Variants in MAF observed in about 807,000 individuals in gnomAD.
MAF encodes transcription factor Maf.
Under a neutral mutation model 22.0 loss-of-function variants are expected in MAF, and 10 were observed. That is an observed-to-expected ratio of 0.45 (90% CI 0.28 to 0.77). MAF has a LOEUF of 0.77. Among genes scored for constraint, MAF ranks in the 30% least tolerant of loss-of-function variants. The pLI is 0.12. For synonymous variants in MAF, 337 were observed against 255.8 expected, an observed-to-expected ratio of 1.32 and a Z score of -3.03; for missense variants, 544 against 548.4, an observed-to-expected ratio of 0.99 and a Z score of 0.08.
the MAF span, among the ~76,000 whole-genome samples, chr16:79,521,123 A>T: frequency 6.6e-6 from 1 of 152,216 alleles, no homozygotes; most frequent in Non-Finnish European, 1.5e-5. Context: ...AAGCGCTTAG[A>T]CGTTGTTGAG....
At chr16:79,445,178 C>T in the MAF span, among the ~76,000 whole-genome samples, 1 of 151,256 alleles carries the variant, frequency 6.6e-6, no homozygotes, top group Non-Finnish European at 1.5e-5. Context: ...GAACTACAGG[C>T]ACCTGCCACC....
chr16:79,427,758 A>T, the MAF span, among the ~76,000 whole-genome samples: 6 of 152,136 alleles, frequency 3.9e-5, no homozygotes, highest in South Asian at 1.2e-3. Flanking sequence ...CCCAGCCTCC[A>T]TTACACCTAG....
At chr16:79,257,849 T>C in the MAF span, among the ~76,000 whole-genome samples, 10 of 152,170 alleles carry the variant, frequency 6.6e-5, no homozygotes, top group Non-Finnish European at 1.5e-4. Context: ...ACTTATACTA[T>C]TGATGCTATT....
chr16:79,344,310 T>A, the MAF span, among the ~76,000 whole-genome samples: 1 of 152,232 alleles, frequency 6.6e-6, no homozygotes, highest in Non-Finnish European at 1.5e-5. Context: ...TAAGGGCGAT[T>A]AGACCCAAGT....
At chr16:79,461,262 T>C in the MAF span, among the ~76,000 whole-genome samples, 1 of 152,204 alleles carries the variant, frequency 6.6e-6, no homozygotes, top group Non-Finnish European at 1.5e-5. Context: ...GTAGGTTAGT[T>C]ACTATACAAA....
At chr16:79,379,945 C>T in the MAF span, among the ~76,000 whole-genome samples, 1 of 152,150 alleles carries the variant, frequency 6.6e-6, no homozygotes, top group African/African-American at 2.4e-5. Context: ...CATAATGGAG[C>T]AGTTCACAAA....
At chr16:79,337,789 T>C in the MAF span, among the ~76,000 whole-genome samples, 5,947 of 152,232 alleles carry the variant, frequency 0.039, 248 homozygotes, top group African/African-American at 0.11. Flanking sequence ...TATCGGACAG[T>C]GCTCTGTAAA....
the MAF span, among the ~76,000 whole-genome samples, chr16:79,353,380 C>T: frequency 6.6e-6 from 1 of 152,160 alleles, no homozygotes; most frequent in African/African-American, 2.4e-5. Context: ...CCGCCTGCCT[C>T]GGCCTCCCAA....
At chr16:79,527,820 G>C in the MAF span, among the ~76,000 whole-genome samples, 1 of 152,108 alleles carries the variant, frequency 6.6e-6, no homozygotes, top group African/African-American at 2.4e-5. Context: ...GTTGGTTCAA[G>C]AAAAACAGAC....
the MAF span, among the ~76,000 whole-genome samples, chr16:79,397,587 G>A: frequency 3.3e-5 from 5 of 152,194 alleles, no homozygotes; most frequent in East Asian, 1.9e-4. Flanking sequence ...GATGATGACC[G>A]GCTGGATGTA....
chr16:79,367,653 G>A, the MAF span, among the ~76,000 whole-genome samples: 1 of 152,182 alleles, frequency 6.6e-6, no homozygotes, highest in Non-Finnish European at 1.5e-5. Context: ...TGACTACTGA[G>A]CACTGGAAAG....
downstream of MAF, among the ~76,000 whole-genome samples, chr16:79,583,308 C>A (rs1912638762): frequency 6.6e-6 from 1 of 152,160 alleles, no homozygotes; most frequent in Non-Finnish European, 1.5e-5. Flanking sequence ...TTCATGTCAT[C>A]GGATTAGGTG....
the MAF span, among the ~76,000 whole-genome samples, chr16:79,361,194 G>A: frequency 6.6e-6 from 1 of 152,180 alleles, no homozygotes; most frequent in Non-Finnish European, 1.5e-5. Flanking sequence ...GTTGACACCA[G>A]GGATCTGTGC....
the MAF span, among the ~76,000 whole-genome samples, chr16:79,370,326 G>T: frequency 1.3e-5 from 2 of 152,254 alleles, no homozygotes; most frequent in East Asian, 1.9e-4. Flanking sequence ...CAGCAAGCTG[G>T]TATCATAGAC....
chr16:79,547,007 C>A, the MAF span, among the ~76,000 whole-genome samples: 2 of 152,102 alleles, frequency 1.3e-5, no homozygotes, highest in African/African-American at 4.8e-5. Context: ...TTTAATTCAC[C>A]TCTGTGTTGG....
chr16:79,286,890 AC>A, the MAF span, among the ~76,000 whole-genome samples: 2 of 152,160 alleles, frequency 1.3e-5, no homozygotes, highest in African/African-American at 4.8e-5. Flanking sequence ...CTCCTCCCAC[AC>A]AAACGTATCG....
the MAF span, among the ~76,000 whole-genome samples, chr16:79,482,915 T>C: frequency 1.3e-5 from 1 of 79,936 alleles, no homozygotes; most frequent in Non-Finnish European, 2.4e-5. Flanking sequence ...CCTCCTTCCT[T>C]CCCTCCCTCC....
At chr16:79,329,409 C>T in the MAF span, among the ~76,000 whole-genome samples, 2 of 152,148 alleles carry the variant, frequency 1.3e-5, no homozygotes, top group Admixed American at 1.3e-4. Context: ...AATGAGATTT[C>T]ACAACACCGG....
At chr16:79,234,079 C>G in the MAF span, among the ~76,000 whole-genome samples, 1 of 151,934 alleles carries the variant, frequency 6.6e-6, no homozygotes, top group Non-Finnish European at 1.5e-5. Context: ...GAAAGTGATC[C>G]TGAACCCGCC....
Sources: allele counts gnomAD v4.1 joint callset (sites outside exome capture counted in the v4.1 genomes callset), GRCh38; gene constraint gnomAD v4.1.1; transcripts MANE v1.5; gene names NCBI Gene and HGNC (gene_info 2026-07-23, HGNC 2026-07-21).